The following OR51C1 variants were observed in gnomAD, a reference collection of about 807,000 sequenced individuals.
OR51C1 encodes olfactory receptor OR51C1.
chr11:4,693,186 A>G, the OR51C1 span, among the ~76,000 whole-genome samples: 4 of 152,224 alleles, frequency 2.6e-5, no homozygotes, highest in Non-Finnish European at 5.9e-5. Context: ...CACAATGCAT[A>G]CATGTATAAC....
At chr11:4,694,563 T>G in the OR51C1 span, among the ~76,000 whole-genome samples, 1 of 92,202 alleles carries the variant, frequency 1.1e-5, no homozygotes, top group African/African-American at 3.6e-5. Flanking sequence ...CACACACACA[T>G]ACATATATAT....
the OR51C1 span, among the ~76,000 whole-genome samples, chr11:4,695,064 G>T: frequency 5.3e-5 from 8 of 152,206 alleles, no homozygotes; most frequent in South Asian, 1.7e-3. Flanking sequence ...TAAATGTGAG[G>T]CTAGGTGCTG....
At chr11:4,695,099 C>T in the OR51C1 span, among the ~76,000 whole-genome samples, 1 of 152,076 alleles carries the variant, frequency 6.6e-6, no homozygotes, top group Non-Finnish European at 1.5e-5. Flanking sequence ...AGAGAAAGCA[C>T]CAGAGGTCAA....
chr11:4,696,641 T>A, the OR51C1 span, among the ~76,000 whole-genome samples: 1 of 152,332 alleles, frequency 6.6e-6, no homozygotes, highest in South Asian at 2.1e-4. Context: ...GCTTCTCTTT[T>A]GTGCTGCCTT....
chr11:4,690,905 A>G, the OR51C1 span: 1 of 456,404 alleles, frequency 2.2e-6, no homozygotes. Context: ...CTTGTTTCCC[A>G]AATCTGTGAA....
At chr11:4,692,671 G>A in the OR51C1 span, among the ~76,000 whole-genome samples, 1 of 152,116 alleles carries the variant, frequency 6.6e-6, no homozygotes, top group Admixed American at 6.5e-5. Flanking sequence ...GGCTGCAGAG[G>A]GCTCAATCAA....
At chr11:4,691,481 G>A in the OR51C1 span, 3 of 456,462 alleles carry the variant, frequency 6.6e-6, no homozygotes, top group Non-Finnish European at 8.8e-6. Flanking sequence ...ATATGGACAG[G>A]CCGAGGTCAG....
At chr11:4,692,906 A>C in the OR51C1 span, among the ~76,000 whole-genome samples, 2 of 152,288 alleles carry the variant, frequency 1.3e-5, no homozygotes, top group Non-Finnish European at 2.9e-5. Context: ...AGAAAACTAG[A>C]TGAAAAACAA....
the OR51C1 span, among the ~76,000 whole-genome samples, chr11:4,696,877 C>G: frequency 2.0e-5 from 3 of 152,284 alleles, no homozygotes; most frequent in Admixed American, 2.0e-4. Flanking sequence ...AATGGTATGG[C>G]TATCATGTGT....
At chr11:4,694,760 G>C in the OR51C1 span, among the ~76,000 whole-genome samples, 1 of 152,074 alleles carries the variant, frequency 6.6e-6, no homozygotes, top group African/African-American at 2.4e-5. Flanking sequence ...ATAAGGATAG[G>C]ATGTATCTAA....
At chr11:4,692,628 G>A in the OR51C1 span, among the ~76,000 whole-genome samples, 5 of 152,250 alleles carry the variant, frequency 3.3e-5, no homozygotes, top group African/African-American at 4.8e-5. Context: ...AGTTGAAGAC[G>A]GGGGTCTAGG....
the OR51C1 span, among the ~76,000 whole-genome samples, chr11:4,694,124 C>G: frequency 2.0e-5 from 3 of 152,114 alleles, no homozygotes; most frequent in Non-Finnish European, 4.4e-5. Context: ...TGAATAATTT[C>G]TCTTTCATCC....
the OR51C1 span, among the ~76,000 whole-genome samples, chr11:4,695,530 A>T: frequency 6.6e-6 from 1 of 152,176 alleles, no homozygotes; most frequent in African/African-American, 2.4e-5. Context: ...TATAAGGATA[A>T]AAATTCCTTT....
chr11:4,691,102 C>T, the OR51C1 span: 1 of 456,670 alleles, frequency 2.2e-6, no homozygotes, highest in Non-Finnish European at 4.4e-6. Flanking sequence ...GCAGTCAGCC[C>T]AACTGCACTG....
chr11:4,696,421 A>T, the OR51C1 span, among the ~76,000 whole-genome samples: 13 of 152,254 alleles, frequency 8.5e-5, no homozygotes, highest in South Asian at 2.5e-3. Flanking sequence ...ACATATAAAG[A>T]TTAGTTTTTA....
chr11:4,693,590 G>A, the OR51C1 span, among the ~76,000 whole-genome samples: 3 of 152,016 alleles, frequency 2.0e-5, no homozygotes, highest in South Asian at 2.1e-4. Context: ...GCGTGGTGGC[G>A]GGCGCCTGTA....
the OR51C1 span, among the ~76,000 whole-genome samples, chr11:4,692,670 G>A: frequency 6.6e-6 from 1 of 152,136 alleles, no homozygotes; most frequent in African/African-American, 2.4e-5. Context: ...TGGCTGCAGA[G>A]GGCTCAATCA....
the OR51C1 span, among the ~76,000 whole-genome samples, chr11:4,697,498 GAAT>G: frequency 6.6e-6 from 1 of 152,138 alleles, no homozygotes; most frequent in Non-Finnish European, 1.5e-5. Flanking sequence ...TATTTCCTGG[GAAT>G]AAATAATTCT....
chr11:4,694,575 T>TACAC, the OR51C1 span, among the ~76,000 whole-genome samples: 4,579 of 147,904 alleles, frequency 0.031, 183 homozygotes, highest in East Asian at 0.21. Flanking sequence ...CATATATATA[T>TACAC]ACACACACAC....
Sources: allele counts gnomAD v4.1 joint callset (sites outside exome capture counted in the v4.1 genomes callset), GRCh38; gene constraint gnomAD v4.1.1; transcripts MANE v1.5; gene names NCBI Gene and HGNC (gene_info 2026-07-23, HGNC 2026-07-21).